Variants in CNTN4 observed in about 807,000 individuals in gnomAD.
CNTN4 encodes contactin-4.
Under a neutral mutation model 122.5 loss-of-function variants are expected in CNTN4, and 77 were observed. The ratio of observed to expected loss-of-function variants is 0.63; its 90% CI spans 0.52 to 0.76. The LOEUF (loss-of-function observed/expected upper bound fraction) is 0.76, where lower values mean the gene tolerates loss of function less well. Among genes scored for constraint, CNTN4 ranks in the 30% least tolerant of loss-of-function variants. The pLI, the probability that CNTN4 is intolerant of heterozygous loss-of-function variation, is 0.00. For missense variants in CNTN4, 1,256 were observed against 1,259.1 expected (o/e 1.00, Z 0.04); for synonymous variants, 512 against 447.0 (o/e 1.15, Z -1.83).
At chr3:2,679,832 T>C (rs1000192444) in intron 4 of CNTN4, among the ~76,000 whole-genome samples, 9 of 152,162 alleles carry the variant, frequency 5.9e-5, no homozygotes, top group Non-Finnish European at 1.2e-4. Flanking sequence ...ATAATTGCAA[T>C]TTATGTGGTT....
At chr3:2,265,700 A>C (rs1314415258) in intron 2 of CNTN4, among the ~76,000 whole-genome samples, 1 of 152,042 alleles carries the variant, frequency 6.6e-6, no homozygotes, top group South Asian at 2.1e-4. Context: ...ATTCATGAAC[A>C]TGGGATATTT....
At chr3:2,493,294 C>G (rs1325418555) in intron 3 of CNTN4, among the ~76,000 whole-genome samples, 2 of 151,906 alleles carry the variant, frequency 1.3e-5, no homozygotes, top group East Asian at 3.9e-4. Flanking sequence ...CTTGCAGAAT[C>G]TAAACTAGAT....
At chr3:2,421,424 G>A (rs34023277) in intron 3 of CNTN4, among the ~76,000 whole-genome samples, 37,950 of 151,818 alleles carry the variant, frequency 0.25, 5,167 homozygotes, top group Admixed American at 0.35. Context: ...GCTAATTTTT[G>A]TATTTTTAGT....
chr3:2,225,524 C>G (rs1244827430), intron 2 of CNTN4, among the ~76,000 whole-genome samples: 1 of 152,008 alleles, frequency 6.6e-6, no homozygotes, highest in Non-Finnish European at 1.5e-5. Context: ...AAAAAACAAA[C>G]AAACAAAAAA....
At chr3:2,487,375 C>G (rs2076192610) in intron 3 of CNTN4, among the ~76,000 whole-genome samples, 1 of 152,158 alleles carries the variant, frequency 6.6e-6, no homozygotes, top group Non-Finnish European at 1.5e-5. Context: ...AGGAAAGCCA[C>G]CTTTTGTCCA....
intron 3 of CNTN4, among the ~76,000 whole-genome samples, chr3:2,394,560 G>A (rs904280798): frequency 3.9e-5 from 6 of 152,084 alleles, no homozygotes; most frequent in African/African-American, 1.4e-4. Flanking sequence ...ATATGAAAGA[G>A]GCTGACAGTA....
At chr3:3,037,031 C>A in intron 17 of CNTN4, 148 bp from the exon 18 acceptor site, 1 of 902,598 alleles carries the variant, frequency 1.1e-6, no homozygotes, top group Non-Finnish European at 1.8e-6. Context: ...ACTGAAACAA[C>A]TGTTGATGCA....
chr3:2,908,930 C>T (rs922515270), intron 12 of CNTN4, among the ~76,000 whole-genome samples: 7 of 152,244 alleles, frequency 4.6e-5, no homozygotes, highest in African/African-American at 9.6e-5. Context: ...CTGACCCTGG[C>T]AGGACACTCA....
At chr3:2,549,228 C>A (rs1198385929) in intron 3 of CNTN4, among the ~76,000 whole-genome samples, 1 of 152,174 alleles carries the variant, frequency 6.6e-6, no homozygotes, top group Non-Finnish European at 1.5e-5. Context: ...CCAGAACTTC[C>A]AATACCATGT....
At chr3:2,265,327 G>C (rs1227825350) in intron 2 of CNTN4, among the ~76,000 whole-genome samples, 1 of 152,036 alleles carries the variant, frequency 6.6e-6, no homozygotes, top group African/African-American at 2.4e-5. Context: ...TTTTAAATGA[G>C]ACTACATGCT....
intron 14 of CNTN4, among the ~76,000 whole-genome samples, chr3:3,019,248 A>G (rs1489159727): frequency 6.6e-6 from 1 of 152,188 alleles, no homozygotes; most frequent in South Asian, 2.1e-4. Flanking sequence ...ACCATCAGGT[A>G]CTGGTGTAAT....
intron 12 of CNTN4, among the ~76,000 whole-genome samples, chr3:2,904,508 G>T (rs2094208362): frequency 6.6e-6 from 1 of 152,184 alleles, no homozygotes; most frequent in Admixed American, 6.5e-5. Flanking sequence ...CTTTTTCAAA[G>T]AGGCCTAGTA....
chr3:2,987,599 G>GTA (rs1694694233), intron 13 of CNTN4, among the ~76,000 whole-genome samples: 1 of 152,206 alleles, frequency 6.6e-6, no homozygotes, highest in South Asian at 2.1e-4. Flanking sequence ...TCTAAGCCAA[G>GTA]CTGTGTGTCT....
chr3:2,830,018 T>C (rs916911695), intron 7 of CNTN4, among the ~76,000 whole-genome samples: 2 of 152,064 alleles, frequency 1.3e-5, no homozygotes, highest in African/African-American at 4.8e-5. Flanking sequence ...AAATATCTTA[T>C]TGTTCAGAAA....
intron 6 of CNTN4, among the ~76,000 whole-genome samples, chr3:2,779,248 T>G (rs964287860): frequency 1.5e-5 from 2 of 133,442 alleles, no homozygotes; most frequent in Admixed American, 7.5e-5. Context: ...TTGTTTGTTT[T>G]GTTTGTTTGT....
At chr3:2,639,921 C>A (rs79751646) in intron 4 of CNTN4, among the ~76,000 whole-genome samples, 3,716 of 152,278 alleles carry the variant, frequency 0.024, 59 homozygotes, top group South Asian at 0.076. Flanking sequence ...CTGACTTCCA[C>A]CCCCTTTCCC....
chr3:2,811,215 G>T (rs573378594), intron 6 of CNTN4, among the ~76,000 whole-genome samples: 1 of 151,528 alleles, frequency 6.6e-6, no homozygotes, highest in African/African-American at 2.4e-5. Context: ...TTCGAGACCA[G>T]CCTGGCCAAT....
At chr3:2,720,112 T>A (rs1406652196) in intron 4 of CNTN4, among the ~76,000 whole-genome samples, 1 of 152,118 alleles carries the variant, frequency 6.6e-6, no homozygotes, top group African/African-American at 2.4e-5. Flanking sequence ...AGTATCATGG[T>A]GTACAGAATG....
At chr3:2,223,972 G>A (rs1381696871) in intron 2 of CNTN4, among the ~76,000 whole-genome samples, 1 of 152,154 alleles carries the variant, frequency 6.6e-6, no homozygotes, top group Non-Finnish European at 1.5e-5. Flanking sequence ...GCAGGTAGGT[G>A]TGGAGAGATA....
Sources: gnomAD v4.1 joint callset for allele counts (sites outside exome capture counted in the v4.1 genomes callset) on GRCh38, gnomAD v4.1.1 for gene constraint, MANE v1.5 for transcripts, NCBI Gene and HGNC (gene_info 2026-07-23, HGNC 2026-07-21) for gene names.